Variants in SPAG16 observed in about 807,000 individuals in gnomAD.
The protein encoded by SPAG16 is sperm-associated antigen 16 protein.
In SPAG16, 86 loss-of-function variants were observed where a neutral mutation model predicts 80.4. The observed-to-expected ratio is 1.07, with a 90% confidence interval of 0.90 to 1.28. The LOEUF is 1.28. SPAG16 is among the 50% of genes most tolerant of loss of function. SPAG16 has a pLI of 0.00. For synonymous variants in SPAG16, 294 were observed against 265.9 expected, an observed-to-expected ratio of 1.11 and a Z score of -1.03; for missense variants, 870 against 765.3, an observed-to-expected ratio of 1.14 and a Z score of -1.61.
chr2:214,273,815 T>C (rs542572673), intron 15 of SPAG16, among the ~76,000 whole-genome samples: 1 of 152,214 alleles, frequency 6.6e-6, no homozygotes, highest in African/African-American at 2.4e-5. Flanking sequence ...TAAAGCAGTT[T>C]TTTCCAATTC....
chr2:213,323,840 C>T (rs1428457874), intron 5 of SPAG16, among the ~76,000 whole-genome samples: 1 of 152,080 alleles, frequency 6.6e-6, no homozygotes, highest in Non-Finnish European at 1.5e-5. Flanking sequence ...ATGCATGAAC[C>T]TTGAGGACAC....
At chr2:214,025,271 A>G (rs1204852049) in intron 13 of SPAG16, among the ~76,000 whole-genome samples, 1 of 151,630 alleles carries the variant, frequency 6.6e-6, no homozygotes, top group African/African-American at 2.4e-5. Flanking sequence ...TGCTTTACCC[A>G]GTGTTTTGTG....
chr2:213,295,736 C>G (rs974996714), intron 1 of SPAG16, among the ~76,000 whole-genome samples: 1 of 151,972 alleles, frequency 6.6e-6, no homozygotes, highest in Non-Finnish European at 1.5e-5. Context: ...TTCTAATTCA[C>G]GCTACCTTAT....
chr2:213,976,135 T>TATATATATATACACACACACAC (rs749957411), intron 12 of SPAG16, among the ~76,000 whole-genome samples: 101 of 81,382 alleles, frequency 1.2e-3, no homozygotes, highest in African/African-American at 3.6e-3. Context: ...TATATATATA[T>TATATATATATACACACACACAC]ACACACACAC....
intron 15 of SPAG16, among the ~76,000 whole-genome samples, chr2:214,244,573 G>A (rs1689712206): frequency 6.6e-6 from 1 of 151,954 alleles, no homozygotes; most frequent in South Asian, 2.1e-4. Flanking sequence ...TAAAATACTA[G>A]TAAGATAAAT....
chr2:213,867,700 A>T (rs892084242), intron 11 of SPAG16, among the ~76,000 whole-genome samples: 1 of 151,864 alleles, frequency 6.6e-6, no homozygotes, highest in Non-Finnish European at 1.5e-5. Context: ...AGGCGGGCGG[A>T]TCATGAGGTC....
chr2:213,959,772 C>A lies in SPAG16; in HGVS notation c.1400+29627C>A, dbSNP rs1202138906. ...TGAGTTATGAATTTCTTGTTTCATGCACTTTGGTTTCACTTCCTCTTTGTC... is the reference window on the plus strand; with the variant it reads ...TGAGTTATGAATTTCTTGTTTCATGAACTTTGGTTTCACTTCCTCTTTGTC... On this transcript the variant is annotated intron_variant, in intron 12 of 15. Coordinates refer to ENST00000331683, the MANE Select transcript of SPAG16 (RefSeq NM_024532.5). 2.6e-5 allele frequency among the ~76,000 whole-genome samples: 4 copies of A among 152,286 alleles called. No individual in the cohort carries two copies. The East Asian group carries it at 7.7e-4, about 29-fold the overall frequency.
intron 9 of SPAG16, among the ~76,000 whole-genome samples, chr2:213,456,962 AT>A (rs974170774): frequency 2.0e-5 from 3 of 150,070 alleles, no homozygotes; most frequent in African/African-American, 4.9e-5. Context: ...TTTTTAGTGG[AT>A]TTTTTTGAGT....
intron 15 of SPAG16, among the ~76,000 whole-genome samples, chr2:214,305,620 TGAATAG>T (rs1331223239): frequency 6.6e-6 from 1 of 152,236 alleles, no homozygotes; most frequent in African/African-American, 2.4e-5. Flanking sequence ...CACCATTTAT[TGAATAG>T]GAAACCTTTT....
At chr2:213,887,180 A>G (rs1346797254) in intron 11 of SPAG16, among the ~76,000 whole-genome samples, 1 of 152,104 alleles carries the variant, frequency 6.6e-6, no homozygotes, top group African/African-American at 2.4e-5. Flanking sequence ...TAACACTGGC[A>G]TCATACTTTT....
chr2:214,060,213 G>A (rs192489452), intron 13 of SPAG16, among the ~76,000 whole-genome samples: 6 of 152,130 alleles, frequency 3.9e-5, no homozygotes, highest in South Asian at 2.1e-4. Context: ...TTCATCCTCC[G>A]GCTCTACCCA....
At chr2:213,900,593 A>G (rs1173783312) in intron 11 of SPAG16, among the ~76,000 whole-genome samples, 3 of 152,132 alleles carry the variant, frequency 2.0e-5, no homozygotes, top group African/African-American at 4.8e-5. Flanking sequence ...TACAGATTAA[A>G]ACTTCTCAGG....
At chr2:213,468,420 G>GAT (rs1224819190) in intron 9 of SPAG16, among the ~76,000 whole-genome samples, 14 of 136,862 alleles carry the variant, frequency 1.0e-4, no homozygotes, top group Middle Eastern at 4.0e-3. Flanking sequence ...TTTATGTACA[G>GAT]ATATATATAT....
chr2:214,354,591 G>C (rs1189832762), intron 15 of SPAG16, among the ~76,000 whole-genome samples: 3 of 152,084 alleles, frequency 2.0e-5, no homozygotes, highest in Non-Finnish European at 2.9e-5. Flanking sequence ...ACCTTGAGCA[G>C]TATGGCCATT....
At position 213,756,781 on chromosome 2, in the gene SPAG16, A is replaced by G. The variant is rs1262467601; in HGVS notation, c.1071-105704A>G. Among the ~76,000 whole-genome samples the G allele has an allele frequency of 3.3e-5, 5 of 151,818 alleles. No homozygotes were observed. The South Asian group carries it at 6.2e-4, about 19-fold the overall frequency. On this transcript the variant is annotated intron_variant, in intron 10 of 15. Transcript: ENST00000331683. ...AGACACTCAAATAGTTTTTTTTTATATGAAGAAAGTAAAGCTTTGACACTG... is the reference window on the plus strand; with the variant it reads ...AGACACTCAAATAGTTTTTTTTTATGTGAAGAAAGTAAAGCTTTGACACTG...
At chr2:213,550,573 C>T (rs1342963336) in intron 10 of SPAG16, among the ~76,000 whole-genome samples, 1 of 152,090 alleles carries the variant, frequency 6.6e-6, no homozygotes, top group Non-Finnish European at 1.5e-5. Flanking sequence ...TGGCATTCCA[C>T]TTACTCAAGT....
rs1446820367 is a variant in SPAG16 at position 214,276,563 on chromosome 2, T to A, written c.1720+127297T>A. On this transcript the variant is annotated intron_variant, in intron 15 of 15. Transcript: ENST00000331683. ...TCTACTTCACTTACGATGCTTAGTT[T>A]GGCTGGATATGAAATTCTGGGTTGA... Among the ~76,000 whole-genome samples, 4 of 152,340 alleles carry A rather than the reference T, an allele frequency of 2.6e-5. No homozygotes were observed. The East Asian group carries it at 7.7e-4, about 29-fold the overall frequency.
At chr2:213,474,652 T>TA (rs1334277426) in intron 9 of SPAG16, among the ~76,000 whole-genome samples, 1 of 152,190 alleles carries the variant, frequency 6.6e-6, no homozygotes, top group Admixed American at 6.5e-5. Context: ...TTTTTGAGTC[T>TA]AATCATATTA....
intron 13 of SPAG16, among the ~76,000 whole-genome samples, chr2:214,079,997 TA>T (rs2051287668): frequency 6.6e-6 from 1 of 152,220 alleles, no homozygotes; most frequent in Non-Finnish European, 1.5e-5. Context: ...CTTCACTGAA[TA>T]AATGTGGACA....
Sources: allele counts gnomAD v4.1 joint callset (sites outside exome capture counted in the v4.1 genomes callset), GRCh38; gene constraint gnomAD v4.1.1; transcripts MANE v1.5; gene names NCBI Gene and HGNC (gene_info 2026-07-23, HGNC 2026-07-21).